Variants in ZBED6 observed in about 807,000 individuals in gnomAD.
ZBED6 encodes the protein zinc finger BED-type containing 6.
Under a neutral mutation model 58.4 loss-of-function variants are expected in ZBED6, and 40 were observed. That is an observed-to-expected ratio of 0.68 (90% CI 0.53 to 0.89). The LOEUF is 0.89. ZBED6 is among the 40% of genes least tolerant of loss of function. ZBED6 has a pLI of 0.00. For missense variants in ZBED6, 1,057 were observed against 1,003.9 expected, an observed-to-expected ratio of 1.05 and a Z score of -0.71; for synonymous variants, 439 against 350.6, an observed-to-expected ratio of 1.25 and a Z score of -2.82.
intron 10 of ZBED6, among the ~76,000 whole-genome samples, chr1:203,839,372 A>T (rs1685376985): frequency 6.6e-6 from 1 of 152,136 alleles, no homozygotes; most frequent in Non-Finnish European, 1.5e-5. Context: ...GTTGAAGGAG[A>T]GCAAAAAGCC....
chr1:203,799,119 G>C, exon 1 of ZBED6: 1 of 1,528,888 alleles, frequency 6.5e-7, no homozygotes, highest in Non-Finnish European at 8.8e-7. Flanking sequence ...TTTGGCTAAA[G>C]ACTGTTTGAT....
At chr1:203,831,317 T>C (rs902219601) in intron 7 of ZBED6, among the ~76,000 whole-genome samples, 7 of 152,154 alleles carry the variant, frequency 4.6e-5, no homozygotes, top group Admixed American at 6.6e-5. Flanking sequence ...GATGATTAAA[T>C]AGAATAGGTT....
intron 10 of ZBED6, among the ~76,000 whole-genome samples, chr1:203,838,753 C>G (rs999278460): frequency 6.6e-6 from 1 of 152,016 alleles, no homozygotes; most frequent in Admixed American, 6.6e-5. Context: ...ATGTTTGAGA[C>G]CAGTCTGGCC....
intron 7 of ZBED6, among the ~76,000 whole-genome samples, chr1:203,831,433 G>A (rs940826457): frequency 1.3e-5 from 2 of 152,068 alleles, no homozygotes; most frequent in Admixed American, 6.6e-5. Flanking sequence ...TAGTTTGGGT[G>A]CCTAAGTCAC....
chr1:203,840,533 A>G (rs1269429268), intron 11 of ZBED6, among the ~76,000 whole-genome samples, 159 bp downstream of exon 11: 1 of 152,122 alleles, frequency 6.6e-6, no homozygotes, highest in East Asian at 1.9e-4. Flanking sequence ...GCTCAGACTC[A>G]ACTGGGATCA....
chr1:203,842,611 G>C (rs1686750454), intron 11 of ZBED6, among the ~76,000 whole-genome samples: 1 of 148,440 alleles, frequency 6.7e-6, no homozygotes, highest in Admixed American at 6.7e-5. Flanking sequence ...GAGAGGGGGA[G>C]GGGGAGGGGG....
intron 1 of ZBED6, among the ~76,000 whole-genome samples, chr1:203,804,729 A>G (rs771830065): frequency 2.8e-4 from 42 of 148,704 alleles, no homozygotes; most frequent in South Asian, 4.2e-4. Flanking sequence ...CTGGAGTGCA[A>G]TGGTGCTGTC....
At chr1:203,840,274 CTT>C in intron 10 of ZBED6, 30 bp from the exon 11 acceptor site, 2 of 1,607,348 alleles carry the variant, frequency 1.2e-6, no homozygotes, top group Non-Finnish European at 1.7e-6. Context: ...TTCTGTTCAA[CTT>C]TTGATTTTTG....
At chr1:203,799,015 T>G (rs1669645395) in exon 1 of ZBED6, 1 of 1,536,062 alleles carries the variant, frequency 6.5e-7, no homozygotes. Context: ...TATTTTATTG[T>G]GACTGTACAC....
chr1:203,810,456 G>C, intron 1 of ZBED6, among the ~76,000 whole-genome samples: 1 of 136,660 alleles, frequency 7.3e-6, no homozygotes, highest in East Asian at 2.3e-4. Flanking sequence ...GTCTCACTCT[G>C]TCGCCCAGGC....
At chr1:203,811,273 A>C (rs1053203297) in intron 1 of ZBED6, among the ~76,000 whole-genome samples, 19 of 152,098 alleles carry the variant, frequency 1.2e-4, no homozygotes, top group African/African-American at 4.6e-4. Flanking sequence ...GTGCCATTGC[A>C]CTTCAGCCTG....
exon 17 of ZBED6, chr1:203,852,567 T>C: frequency 1.4e-6 from 1 of 721,348 alleles, no homozygotes; most frequent in Non-Finnish European, 2.2e-6. Context: ...TGGGGTCAGA[T>C]TTTTAAAGTT....
exon 1 of ZBED6, chr1:203,798,031 C>G: frequency 6.5e-7 from 1 of 1,534,248 alleles, no homozygotes; most frequent in Non-Finnish European, 8.7e-7. Context: ...CTTGGTACAT[C>G]TACTCTTCAA....
chr1:203,849,559 G>A (rs1249902197), intron 13 of ZBED6, 152 bp from the exon 14 acceptor site: 2 of 747,906 alleles, frequency 2.7e-6, no homozygotes, highest in Non-Finnish European at 4.6e-6. Context: ...TCTTTAACAG[G>A]GTATTGTCTA....
chr1:203,848,314 C>A lies in ZBED6; in HGVS notation c.*4246-17C>A, dbSNP rs770362520. On this transcript the variant is annotated splice_polypyrimidine_tract_variant and intron_variant, in intron 12 of 16. Transcript: ENST00000550078. ...GCTTAAATAAAATAACTAATGATGT[C>A]TTTAATGTGAATACAGGGATGAAAG... 6 of 1,596,078 alleles carry A rather than the reference C, an allele frequency of 3.8e-6. No individual in the cohort carries two copies. In the South Asian group the frequency reaches 6.9e-5, roughly 18 times the overall value.
chr1:203,841,574 C>A (rs912600670), intron 11 of ZBED6, among the ~76,000 whole-genome samples: 4 of 152,214 alleles, frequency 2.6e-5, no homozygotes, highest in Admixed American at 1.3e-4. Flanking sequence ...GACACAGTAA[C>A]AATCTGATCT....
chr1:203,798,334 A>T, exon 1 of ZBED6: 1 of 1,535,976 alleles, frequency 6.5e-7, no homozygotes, highest in Non-Finnish European at 8.7e-7. Flanking sequence ...GCCGTTTGGA[A>T]TTTTTTTTAC....
At chr1:203,845,033 C>A (rs1687508485) in intron 11 of ZBED6, among the ~76,000 whole-genome samples, 1 of 152,020 alleles carries the variant, frequency 6.6e-6, no homozygotes, top group Admixed American at 6.6e-5. Flanking sequence ...TATGTCAGAT[C>A]CCACCGTTGC....
Position 203,850,040 on chromosome 1 carries a change from T to C in ZBED6, c.*4638+14T>C. On this transcript the variant is annotated intron_variant, in intron 14 of 16. Coordinates refer to ENST00000550078, the Ensembl canonical transcript of ZBED6. The stretch of plus-strand genomic sequence containing the variant: ...AAAGGGGTAAAGGCAAGTATTTCTA[T>C]ACTGTGTATTGCTTTAGGTTATCAA... 2 of 1,613,326 alleles carry C rather than the reference T, an allele frequency of 1.2e-6. No homozygotes were observed. The highest frequency in any genetic ancestry group is 1.7e-6 in the Non-Finnish European group (2 of 1,179,680).
Sources: allele counts gnomAD v4.1 joint callset (sites outside exome capture counted in the v4.1 genomes callset), GRCh38; gene constraint gnomAD v4.1.1; transcripts MANE v1.5; gene names NCBI Gene and HGNC (gene_info 2026-07-23, HGNC 2026-07-21).